Variants in DGKB observed in about 807,000 individuals in gnomAD.
The protein encoded by DGKB is diacylglycerol kinase beta, also known as 90 kDa diacylglycerol kinase.
Under a neutral mutation model 114.3 loss-of-function variants are expected in DGKB, and 67 were observed. The observed-to-expected ratio is 0.59, with a 90% CI of 0.48 to 0.72. The LOEUF is 0.72. Ranked by LOEUF, DGKB falls within the 30% of genes least tolerant of loss-of-function variation. DGKB has a pLI of 0.00. For synonymous variants in DGKB, 398 were observed against 323.1 expected (o/e 1.23, Z -2.49); for missense variants, 907 against 975.2 (o/e 0.93, Z 0.93).
upstream of DGKB, among the ~76,000 whole-genome samples, chr7:14,904,931 G>T (rs1384625581): frequency 6.6e-6 from 1 of 152,110 alleles, no homozygotes; most frequent in Non-Finnish European, 1.5e-5. Context: ...TCCACAAATG[G>T]TATGATTTTA....
chr7:14,403,939 C>G (rs1823536740), intron 21 of DGKB, among the ~76,000 whole-genome samples: 7 of 151,394 alleles, frequency 4.6e-5, no homozygotes, highest in Admixed American at 4.0e-4. Context: ...ATAATGATAC[C>G]CCACTTAAAT....
At chr7:14,476,458 A>G (rs555470967) in intron 21 of DGKB, among the ~76,000 whole-genome samples, 1 of 152,122 alleles carries the variant, frequency 6.6e-6, no homozygotes, top group African/African-American at 2.4e-5. Flanking sequence ...TTTGAAATGC[A>G]CCTGGAGAAA....
rs200330081 is a variant in DGKB at position 14,232,730 on chromosome 7, ATATT to A, written c.2123-54583_2123-54580del. Among the ~76,000 whole-genome samples, 946 of 152,128 alleles carry A rather than the reference ATATT, an allele frequency of 6.2e-3. 8 individuals are homozygous for A. Among genetic ancestry groups the A allele is most frequent in the African/African-American group, 0.022 (909 of 41,526 alleles). On this transcript the variant is annotated intron_variant, in intron 23 of 25. Coordinates refer to ENST00000402815, the MANE Select transcript of DGKB (RefSeq NM_001350709.2). ...CAAATGTGTTACTAATTAGAAAACA[ATATT>A]TAGTGTAAAGTGTTTTATCATTTTA...
At chr7:14,554,949 T>A (rs1795668037) in intron 20 of DGKB, among the ~76,000 whole-genome samples, 1 of 152,166 alleles carries the variant, frequency 6.6e-6, no homozygotes, top group Admixed American at 6.5e-5. Flanking sequence ...TTAATATATA[T>A]TTTTAAAATG....
intron 2 of DGKB, among the ~76,000 whole-genome samples, chr7:14,798,352 C>T (rs1286580185): frequency 6.6e-6 from 1 of 152,158 alleles, no homozygotes; most frequent in Non-Finnish European, 1.5e-5. Context: ...TTCTCCCTCT[C>T]CCATAAGCTA....
At chr7:14,925,757 C>A (rs1181737269) in intron 1 of DGKB, among the ~76,000 whole-genome samples, 1 of 152,088 alleles carries the variant, frequency 6.6e-6, no homozygotes, top group Non-Finnish European at 1.5e-5. Context: ...ATCCTATAAC[C>A]TTGCAAAATT....
intron 1 of DGKB, among the ~76,000 whole-genome samples, chr7:14,928,212 C>T (rs1784837822): frequency 6.6e-6 from 1 of 151,862 alleles, no homozygotes; most frequent in South Asian, 2.1e-4. Flanking sequence ...ACTTGTAGAG[C>T]TTGCATCCTA....
intron 23 of DGKB, among the ~76,000 whole-genome samples, chr7:14,282,047 C>A (rs1206886574): frequency 2.3e-5 from 2 of 88,012 alleles, no homozygotes; most frequent in East Asian, 3.3e-4. Context: ...CACAAAAAAC[C>A]CTTCAAAAAA....
At chr7:14,154,233 A>G (rs1056566878) in intron 25 of DGKB, among the ~76,000 whole-genome samples, 2 of 149,196 alleles carry the variant, frequency 1.3e-5, no homozygotes, top group African/African-American at 4.9e-5. Context: ...ATCACTTTGC[A>G]GAGAGAAGAA....
At chr7:14,572,459 A>C (rs1371069644) in intron 20 of DGKB, among the ~76,000 whole-genome samples, 1 of 151,354 alleles carries the variant, frequency 6.6e-6, no homozygotes, top group Non-Finnish European at 1.5e-5. Context: ...CTCAAAAAAA[A>C]AGAAAAAAAA....
At chr7:14,318,365 G>A (rs1807037069) in intron 23 of DGKB, among the ~76,000 whole-genome samples, 2 of 152,016 alleles carry the variant, frequency 1.3e-5, no homozygotes, top group East Asian at 1.9e-4. Context: ...TAGAATGGGA[G>A]AAAATTTTCG....
intron 1 of DGKB, among the ~76,000 whole-genome samples, chr7:14,920,883 C>T (rs1260197754): frequency 6.6e-6 from 1 of 151,974 alleles, no homozygotes; most frequent in African/African-American, 2.4e-5. Context: ...TCTGAGTAAG[C>T]CTGAAAAGAC....
intron 13 of DGKB, among the ~76,000 whole-genome samples, chr7:14,655,059 T>C (rs548960568): frequency 5.9e-5 from 9 of 151,882 alleles, no homozygotes; most frequent in African/African-American, 1.7e-4. Context: ...AAAGAGCTTT[T>C]GCTCAGCGAA....
intron 25 of DGKB, among the ~76,000 whole-genome samples, chr7:14,157,159 A>C (rs1435634438): frequency 6.6e-6 from 1 of 152,196 alleles, no homozygotes; most frequent in Non-Finnish European, 1.5e-5. Flanking sequence ...ATCTGTGAGT[A>C]GAGCTTAATT....
chr7:14,460,781 C>G (rs559407611), intron 21 of DGKB, among the ~76,000 whole-genome samples: 1 of 152,136 alleles, frequency 6.6e-6, no homozygotes, highest in African/African-American at 2.4e-5. Flanking sequence ...GAATTCTCCA[C>G]CCCAAATCAA....
chr7:14,787,723 C>G (rs1292645726), intron 2 of DGKB, among the ~76,000 whole-genome samples: 1 of 152,204 alleles, frequency 6.6e-6, no homozygotes, highest in Non-Finnish European at 1.5e-5. Flanking sequence ...GATTGAGAGG[C>G]CTCCCTCCTC....
intron 2 of DGKB, among the ~76,000 whole-genome samples, chr7:14,797,671 T>C (rs570334544): frequency 1.3e-4 from 20 of 151,944 alleles, no homozygotes; most frequent in African/African-American, 4.8e-4. Flanking sequence ...AGGGCTGCCA[T>C]CTGTGAGGTT....
chr7:14,373,022 A>T (rs1178443666), intron 21 of DGKB, among the ~76,000 whole-genome samples: 1 of 152,172 alleles, frequency 6.6e-6, no homozygotes, highest in Non-Finnish European at 1.5e-5. Context: ...AGGTGTTAGG[A>T]AACATGATGT....
chr7:14,192,060 G>A lies in DGKB; in HGVS notation c.2123-13909C>T, dbSNP rs535911045. 12 of 441,052 alleles carry A rather than the reference G, an allele frequency of 2.7e-5. 2 individuals are homozygous for A. Among genetic ancestry groups the A allele is most frequent in the South Asian group, 1.0e-4 (6 of 58,622 alleles). The allele number at this position is 441,052 out of a possible 1,614,324, so 27.3% of individuals were successfully genotyped here. ...TATTTGTTCTATGAGACAGATAGTC[G>A]CTGTGGGTGTCATCAAAGCAGTGGA... On this transcript the variant is annotated intron_variant, in intron 23 of 25. Coordinates refer to ENST00000402815, the MANE Select transcript of DGKB (RefSeq NM_001350709.2).
Sources: allele counts gnomAD v4.1 joint callset (sites outside exome capture counted in the v4.1 genomes callset), GRCh38; gene constraint gnomAD v4.1.1; transcripts MANE v1.5; gene names NCBI Gene and HGNC (gene_info 2026-07-23, HGNC 2026-07-21).